Variants in TNNI3K observed in about 807,000 individuals in gnomAD.
TNNI3K encodes serine/threonine-protein kinase TNNI3K.
TNNI3K carries 140 observed loss-of-function variants against 114.5 expected under a neutral mutation model. The ratio of observed to expected loss-of-function variants is 1.22; its 90% CI spans 1.07 to 1.41. TNNI3K has a LOEUF of 1.41. TNNI3K is among the 40% of genes most tolerant of loss of function. The probability of loss-of-function intolerance (pLI) is 0.00; values close to 1 mark genes in which losing one functional copy is unlikely to be tolerated. For missense variants in TNNI3K, 1,125 were observed against 1,007.6 expected (o/e 1.12, Z -1.58); for synonymous variants, 347 against 347.5 (o/e 1.00, Z 0.02).
chr1:74,254,549 G>A (rs1655157293), intron 4 of TNNI3K, among the ~76,000 whole-genome samples: 1 of 151,676 alleles, frequency 6.6e-6, no homozygotes, highest in African/African-American at 2.4e-5. Flanking sequence ...GAATTTTTTT[G>A]GTATTGCAAT....
intron 20 of TNNI3K, among the ~76,000 whole-genome samples, chr1:74,443,086 A>G (rs1666449433): frequency 6.6e-6 from 1 of 152,098 alleles, no homozygotes; most frequent in African/African-American, 2.4e-5. Flanking sequence ...ACATCCTAAC[A>G]ATTACAACAA....
chr1:74,258,353 A>C (rs550255615), intron 4 of TNNI3K, among the ~76,000 whole-genome samples: 2 of 152,054 alleles, frequency 1.3e-5, no homozygotes, highest in South Asian at 4.2e-4. Flanking sequence ...TACACTCTTA[A>C]CTCAGTGAGA....
chr1:74,254,887 C>T (rs1213034251), intron 4 of TNNI3K, among the ~76,000 whole-genome samples: 2 of 152,138 alleles, frequency 1.3e-5, no homozygotes, highest in Non-Finnish European at 2.9e-5. Context: ...TGCTCATATA[C>T]ATGGGGAGAT....
chr1:74,255,203 A>C (rs1040705690), intron 4 of TNNI3K, among the ~76,000 whole-genome samples: 2 of 151,812 alleles, frequency 1.3e-5, no homozygotes, highest in Non-Finnish European at 2.9e-5. Flanking sequence ...AAATACAAAA[A>C]ATTAGCCGGG....
intron 23 of TNNI3K, among the ~76,000 whole-genome samples, chr1:74,510,708 T>C (rs1285385044): frequency 1.3e-5 from 2 of 152,314 alleles, no homozygotes; most frequent in Middle Eastern, 3.4e-3. Flanking sequence ...TTGAACAGTA[T>C]ATAAAGTTTA....
chr1:74,345,955 A>C (rs756118072), intron 9 of TNNI3K: 5 of 152,188 alleles, frequency 3.3e-5, no homozygotes, highest in Non-Finnish European at 7.3e-5. Flanking sequence ...GTCTATAAAA[A>C]TCTTATTTCC....
rs550281946 is a variant in TNNI3K at position 74,434,268 on chromosome 1, T to G, written c.1773-1812T>G. On this transcript the variant is annotated intron_variant, in intron 17 of 24. Coordinates refer to ENST00000326637, the MANE Select transcript of TNNI3K (RefSeq NM_015978.3). ...CCTCATTATTTTTTAGCATGCACTC[T>G]CTGATTTAGTAAGTACATTTTTAGT... is the stretch of plus-strand genomic sequence containing the variant. 7.9e-5 allele frequency among the ~76,000 whole-genome samples: 12 copies of G among 152,126 alleles called. No individual in the cohort carries two copies. The East Asian group carries it at 2.3e-3, about 29-fold the overall frequency.
chr1:74,314,231 G>A (rs1659169843), intron 5 of TNNI3K, among the ~76,000 whole-genome samples: 2 of 150,698 alleles, frequency 1.3e-5, no homozygotes, highest in Non-Finnish European at 3.0e-5. Context: ...CATCTTTGGT[G>A]ATCATTTAGA....
In TNNI3K at chr1:74,492,194, T is replaced by C; in HGVS notation, c.2279T>C (p.Val760Ala). 1.2e-6 allele frequency: 2 copies of C among 1,613,234 alleles called. No homozygotes were observed. The highest frequency in any genetic ancestry group is 1.6e-4 in the Middle Eastern group (1 of 6,062). ...VNRGGPGRSH[V>A]AALRSRFELE... ...CGGGGAGGACCTGGCCGGAGTCATG[T>C]GGCAGCATTAAGAAGTCGTTTCGAA... The change falls in exon 23 of 25, where the codon GTG becomes GCG. Residue 760 changes from valine (V) to alanine (A), a missense_variant. Coordinates refer to ENST00000326637, the MANE Select transcript of TNNI3K (RefSeq NM_015978.3).
intron 5 of TNNI3K, among the ~76,000 whole-genome samples, chr1:74,303,709 T>C (rs1452146795): frequency 2.0e-5 from 3 of 152,328 alleles, no homozygotes; most frequent in African/African-American, 7.2e-5. Context: ...TGTAAGATTA[T>C]AGCTGCCATA....
At chr1:74,339,228 T>G (rs144379100) in intron 7 of TNNI3K, among the ~76,000 whole-genome samples, 229 of 152,284 alleles carry the variant, frequency 1.5e-3, no homozygotes, top group African/African-American at 5.4e-3. Flanking sequence ...ATTTTCTTTT[T>G]GTTGCACGCA....
At position 74,495,116 on chromosome 1, in the gene TNNI3K, C is replaced by T. The variant is rs45587240; in HGVS notation, c.2351+2850C>T. Among the ~76,000 whole-genome samples the T allele has an allele frequency of 1.2e-3, 181 of 152,222 alleles. 1 individual carries two copies. Among genetic ancestry groups the T allele is most frequent in the African/African-American group, 3.9e-3 (161 of 41,544 alleles). ...GATATTCTCATAAAGTGTTTTATAGCCTTCTGGCCCTTCCTGACTGTTATG... is the reference window on the plus strand; with the variant it reads ...GATATTCTCATAAAGTGTTTTATAGTCTTCTGGCCCTTCCTGACTGTTATG... On this transcript the variant is annotated intron_variant, in intron 23 of 24. Coordinates refer to ENST00000326637, the MANE Select transcript of TNNI3K (RefSeq NM_015978.3).
At chr1:74,382,025 A>T (rs1303609215) in intron 17 of TNNI3K, among the ~76,000 whole-genome samples, 1 of 152,226 alleles carries the variant, frequency 6.6e-6, no homozygotes, top group Admixed American at 6.5e-5. Context: ...TCCATACTCA[A>T]GTAGCACTCA....
chr1:74,309,662 A>T (rs1658868277), intron 5 of TNNI3K, among the ~76,000 whole-genome samples: 1 of 152,164 alleles, frequency 6.6e-6, no homozygotes, highest in South Asian at 2.1e-4. Context: ...ACATATGGAA[A>T]CCAATAAATA....
chr1:74,499,207 G>A (rs274607), intron 23 of TNNI3K, among the ~76,000 whole-genome samples: 102,100 of 152,126 alleles, frequency 0.67, 35,848 homozygotes, highest in African/African-American at 0.88. Flanking sequence ...ATTTATTATG[G>A]ATGAACACTT....
intron 5 of TNNI3K, among the ~76,000 whole-genome samples, chr1:74,326,803 A>G (rs1659928801): frequency 6.6e-6 from 1 of 152,186 alleles, no homozygotes; most frequent in Admixed American, 6.5e-5. Context: ...AAGGGAAGAC[A>G]TTCTAAAAAG....
At chr1:74,281,862 C>A (rs1439392878) in intron 5 of TNNI3K, among the ~76,000 whole-genome samples, 2 of 152,002 alleles carry the variant, frequency 1.3e-5, no homozygotes, top group Non-Finnish European at 2.9e-5. Flanking sequence ...CAATTAAATT[C>A]CAATATATGG....
At chr1:74,490,639 C>G (rs138662865) in intron 22 of TNNI3K, among the ~76,000 whole-genome samples, 3 of 152,132 alleles carry the variant, frequency 2.0e-5, no homozygotes, top group African/African-American at 7.2e-5. Flanking sequence ...TGAGAGTCAG[C>G]CTAAAGAGGC....
intron 7 of TNNI3K, among the ~76,000 whole-genome samples, chr1:74,339,882 T>C (rs577795700): frequency 6.6e-5 from 10 of 152,234 alleles, no homozygotes; most frequent in Middle Eastern, 3.4e-3. Flanking sequence ...AAATTTAGAA[T>C]TAATAATTTC....
Sources: allele counts gnomAD v4.1 joint callset (sites outside exome capture counted in the v4.1 genomes callset), GRCh38; gene constraint gnomAD v4.1.1; transcripts MANE v1.5; gene names NCBI Gene and HGNC (gene_info 2026-07-23, HGNC 2026-07-21).